Variants in FRMD4A observed in about 807,000 individuals in gnomAD.
FRMD4A encodes the protein FERM domain containing 4A, also known as FERM domain-containing protein 4A.
FRMD4A carries 29 observed loss-of-function variants against 129.1 expected under a neutral mutation model. The observed-to-expected ratio is 0.22, with a 90% CI of 0.17 to 0.31. The LOEUF is 0.31. Ranked by LOEUF, FRMD4A falls within the 10% of genes least tolerant of loss-of-function variation. The pLI, the probability that FRMD4A is intolerant of heterozygous loss-of-function variation, is 1.00. For missense variants in FRMD4A, 1,272 were observed against 1,375.8 expected, an observed-to-expected ratio of 0.92 and a Z score of 1.19; for synonymous variants, 634 against 571.6, an observed-to-expected ratio of 1.11 and a Z score of -1.56.
chr10:13,723,062 T>A lies in FRMD4A; in HGVS notation c.759+14782A>T, dbSNP rs576272950. On this transcript the variant is annotated intron_variant, in intron 12 of 24. Coordinates refer to ENST00000357447, the MANE Select transcript of FRMD4A (RefSeq NM_018027.5). ...TTGGTTAGCTAGGTCACCATGCTGG[T>A]TAGCTAGGTCTCCAAGCTGGTTAGC... Among the ~76,000 whole-genome samples, 4 of 149,092 alleles carry A rather than the reference T, an allele frequency of 2.7e-5. No homozygotes were observed. In the East Asian group the frequency reaches 9.7e-4, roughly 36 times the overall value.
intron 2 of FRMD4A, among the ~76,000 whole-genome samples, chr10:14,212,952 A>C (rs1842972639): frequency 6.6e-6 from 1 of 152,232 alleles, no homozygotes; most frequent in Non-Finnish European, 1.5e-5. Flanking sequence ...GAAATGTAGG[A>C]TAGGTCAGAT....
rs1417089079 is a variant in FRMD4A at position 14,197,571 on chromosome 10, G to T, written c.45+132487C>A. On this transcript the variant is annotated intron_variant, in intron 2 of 24. Coordinates refer to ENST00000357447, the MANE Select transcript of FRMD4A (RefSeq NM_018027.5). ...AGATGGGGTTTCATCACATTGACCA[G>T]GCTGGACTTGAACTCCTGACTCCAA... Among the ~76,000 whole-genome samples the T allele has an allele frequency of 2.6e-5, 4 of 152,056 alleles. No individual in the cohort carries two copies. In the South Asian group the frequency reaches 6.2e-4, roughly 24 times the overall value.
chr10:13,875,734 T>G (rs139005460), intron 2 of FRMD4A, among the ~76,000 whole-genome samples: 120 of 152,220 alleles, frequency 7.9e-4, no homozygotes, highest in African/African-American at 2.8e-3. Flanking sequence ...TTCCCAGGAC[T>G]GAGGGAAAAG....
intron 2 of FRMD4A, among the ~76,000 whole-genome samples, chr10:13,906,246 G>C (rs2094880958): frequency 6.6e-6 from 1 of 152,114 alleles, no homozygotes; most frequent in South Asian, 2.1e-4. Flanking sequence ...TTCCAGAAGG[G>C]CCTTTTTTTA....
chr10:14,185,281 G>T (rs1589139830), intron 2 of FRMD4A, among the ~76,000 whole-genome samples: 1 of 152,018 alleles, frequency 6.6e-6, no homozygotes. Flanking sequence ...CTTGCTTCCT[G>T]AGAGATCCCA....
chr10:13,704,636 G>C (rs958454679), intron 13 of FRMD4A, among the ~76,000 whole-genome samples: 3 of 152,130 alleles, frequency 2.0e-5, no homozygotes, highest in Non-Finnish European at 4.4e-5. Flanking sequence ...CACGACGTCT[G>C]GCCCTTCTGT....
chr10:13,860,231 C>T (rs184537113), intron 2 of FRMD4A, among the ~76,000 whole-genome samples: 2 of 152,238 alleles, frequency 1.3e-5, no homozygotes, highest in Non-Finnish European at 1.5e-5. Context: ...CATACAGACA[C>T]GATAGACAAA....
At chr10:13,660,014 A>C (rs564549988) in intron 20 of FRMD4A, among the ~76,000 whole-genome samples, 4 of 152,310 alleles carry the variant, frequency 2.6e-5, no homozygotes, top group African/African-American at 9.6e-5. Flanking sequence ...TTCACTTGCT[A>C]TTTCAGAATA....
intron 2 of FRMD4A, among the ~76,000 whole-genome samples, chr10:14,294,876 T>C (rs968005285): frequency 6.6e-6 from 1 of 152,220 alleles, no homozygotes; most frequent in Non-Finnish European, 1.5e-5. Flanking sequence ...TTGCATAGCA[T>C]CTGCCCTCAG....
intron 2 of FRMD4A, among the ~76,000 whole-genome samples, chr10:14,225,273 C>A (rs1457491732): frequency 2.0e-5 from 3 of 152,020 alleles, no homozygotes; most frequent in Admixed American, 1.3e-4. Context: ...CATCCCCAAC[C>A]CTCAATCCCA....
At chr10:13,663,567 A>G (rs2082797185) in intron 18 of FRMD4A, 58 bp from the exon 19 acceptor site, 1 of 863,970 alleles carries the variant, frequency 1.2e-6, no homozygotes, top group Admixed American at 1.7e-5. Context: ...GCAAAGCCCT[A>G]TCTGTAAAAA....
At chr10:14,221,137 A>C (rs1047149549) in intron 2 of FRMD4A, among the ~76,000 whole-genome samples, 1 of 152,188 alleles carries the variant, frequency 6.6e-6, no homozygotes, top group Non-Finnish European at 1.5e-5. Context: ...ATCAAGGTGC[A>C]AACTCAGGTT....
intron 2 of FRMD4A, among the ~76,000 whole-genome samples, chr10:14,089,618 C>CAAAAAAAAAAAAA (rs369054869): frequency 2.5e-5 from 2 of 79,614 alleles, no homozygotes; most frequent in African/African-American, 1.9e-4. Flanking sequence ...CCTTTTCAAG[C>CAAAAAAAAAAAAA]AAAAAAAAAA....
intron 3 of FRMD4A, among the ~76,000 whole-genome samples, chr10:13,852,523 C>A (rs1051085712): frequency 6.6e-6 from 1 of 152,024 alleles, no homozygotes; most frequent in African/African-American, 2.4e-5. Flanking sequence ...ACACCTGGAC[C>A]AAGATTTTAA....
intron 15 of FRMD4A, among the ~76,000 whole-genome samples, chr10:13,686,571 C>G (rs1256052355): frequency 6.6e-6 from 1 of 152,174 alleles, no homozygotes; most frequent in African/African-American, 2.4e-5. Context: ...CCTGTTTTCT[C>G]CCAGAACAGA....
intron 2 of FRMD4A, among the ~76,000 whole-genome samples, chr10:13,936,217 G>C (rs2095247899): frequency 1.3e-5 from 2 of 152,112 alleles, no homozygotes; most frequent in Admixed American, 1.3e-4. Context: ...TGATCTTAGG[G>C]GAAAGTAAAG....
chr10:14,215,971 C>A (rs1031147878), intron 2 of FRMD4A, among the ~76,000 whole-genome samples: 10 of 151,918 alleles, frequency 6.6e-5, no homozygotes, highest in East Asian at 1.9e-4. Flanking sequence ...AAAAAAAAAA[C>A]CACGTTGTTT....
At chr10:13,848,609 C>CGTGTGTGT (rs59271113) in intron 3 of FRMD4A, among the ~76,000 whole-genome samples, 20,778 of 123,856 alleles carry the variant, frequency 0.17, 1,558 homozygotes, top group Middle Eastern at 0.2. Context: ...TGTGTGTGTA[C>CGTGTGTGT]GTGTGTGTGT....
rs576870160 is a variant in FRMD4A at position 14,225,100 on chromosome 10, A to G, written c.45+104958T>C. On this transcript the variant is annotated intron_variant, in intron 2 of 24. Coordinates refer to ENST00000357447, the MANE Select transcript of FRMD4A (RefSeq NM_018027.5). ...CATTCTTATTAGAATTAGCAGGAAC[A>G]GTGAAAGAATAAATATACACCAGGT... Among the ~76,000 whole-genome samples the G allele has an allele frequency of 2.0e-5, 3 of 152,364 alleles. No individual in the cohort carries two copies. The East Asian group carries it at 5.8e-4, about 29-fold the overall frequency.
Sources: gnomAD v4.1 joint callset for allele counts (sites outside exome capture counted in the v4.1 genomes callset) on GRCh38, gnomAD v4.1.1 for gene constraint, MANE v1.5 for transcripts, NCBI Gene and HGNC (gene_info 2026-07-23, HGNC 2026-07-21) for gene names.